The following MARCHF4 variants were observed in gnomAD, a reference collection of about 807,000 sequenced individuals.
MARCHF4 encodes the protein E3 ubiquitin-protein ligase MARCHF4.
Under a neutral mutation model 43.9 loss-of-function variants are expected in MARCHF4, and 14 were observed. The observed-to-expected ratio is 0.32, with a 90% confidence interval of 0.21 to 0.50. MARCHF4 has a LOEUF of 0.50. MARCHF4 is among the 20% of genes least tolerant of loss of function. The probability of loss-of-function intolerance (pLI) is 0.98; values close to 1 mark genes in which losing one functional copy is unlikely to be tolerated. For missense variants in MARCHF4, 468 were observed against 536.7 expected, an observed-to-expected ratio of 0.87 and a Z score of 1.27; for synonymous variants, 226 against 213.3, an observed-to-expected ratio of 1.06 and a Z score of -0.52.
At chr2:216,295,431 T>C (rs899711502) in intron 1 of MARCHF4, among the ~76,000 whole-genome samples, 8 of 152,200 alleles carry the variant, frequency 5.3e-5, no homozygotes, top group Admixed American at 1.3e-4. Context: ...CCTAATTCTG[T>C]TTATTTTTTG....
In MARCHF4 at chr2:216,308,982, G is replaced by A. The variant is rs548776102; in HGVS notation, c.517-25253C>T. ...GAACGGCAGAAGCAAAGTACTTGGA[G>A]AGGGAAGAGAATGGTTATCATGGTC... is the stretch of plus-strand genomic sequence containing the variant. On this transcript the variant is annotated intron_variant, in intron 1 of 3. Coordinates refer to ENST00000273067, the MANE Select transcript of MARCHF4 (RefSeq NM_020814.3). 1.5e-4 allele frequency among the ~76,000 whole-genome samples: 23 copies of A among 152,300 alleles called. 1 individual carries two copies. Among genetic ancestry groups the A allele is most frequent in the Admixed American group, 1.5e-3 (23 of 15,302 alleles).
At chr2:216,291,674 G>A (rs184341149) in intron 1 of MARCHF4, among the ~76,000 whole-genome samples, 158 of 152,144 alleles carry the variant, frequency 1.0e-3, no homozygotes, top group African/African-American at 3.6e-3. Context: ...TTCAAATGTT[G>A]ATCAATTTTC....
At chr2:216,349,349 T>C (rs1396173739) in intron 1 of MARCHF4, among the ~76,000 whole-genome samples, 3 of 152,226 alleles carry the variant, frequency 2.0e-5, no homozygotes, top group Non-Finnish European at 4.4e-5. Context: ...AAGTGCCTAA[T>C]TGGCTTCGAT....
chr2:216,339,124 T>C (rs1017983629), intron 1 of MARCHF4, among the ~76,000 whole-genome samples: 4 of 152,216 alleles, frequency 2.6e-5, no homozygotes, highest in Admixed American at 6.5e-5. Flanking sequence ...GACCAGTCTT[T>C]GACCTCAGGA....
chr2:216,319,343 T>C (rs904478776), intron 1 of MARCHF4, among the ~76,000 whole-genome samples: 5 of 151,964 alleles, frequency 3.3e-5, no homozygotes, highest in African/African-American at 1.2e-4. Flanking sequence ...AACACAAATC[T>C]ACCACCACAG....
intron 1 of MARCHF4, among the ~76,000 whole-genome samples, chr2:216,322,095 ATGTG>A (rs763635655): frequency 3.4e-4 from 51 of 151,434 alleles, no homozygotes; most frequent in African/African-American, 1.2e-3. Context: ...ACTTAAGGGG[ATGTG>A]TGTGTGTGTG....
chr2:216,351,441 C>A (rs1559105754), intron 1 of MARCHF4: 1 of 152,494 alleles, frequency 6.6e-6, no homozygotes, highest in Non-Finnish European at 1.5e-5. Context: ...AATAACTGAC[C>A]ACAACCAGTT....
intron 1 of MARCHF4, among the ~76,000 whole-genome samples, chr2:216,368,582 C>G (rs1692703557): frequency 6.6e-6 from 1 of 152,250 alleles, no homozygotes; most frequent in Admixed American, 6.5e-5. Context: ...AAGCCTGCAT[C>G]TTACAGAGCA....
At chr2:216,289,687 C>T (rs1691276560) in intron 1 of MARCHF4, among the ~76,000 whole-genome samples, 6 of 152,226 alleles carry the variant, frequency 3.9e-5, no homozygotes, top group Admixed American at 3.9e-4. Flanking sequence ...CAAAGACTTC[C>T]TTTTCTGCCC....
chr2:216,289,459 T>C (rs1691273541), intron 1 of MARCHF4, among the ~76,000 whole-genome samples: 1 of 152,184 alleles, frequency 6.6e-6, no homozygotes, highest in Admixed American at 6.5e-5. Context: ...CAAGGGTCTG[T>C]CCCAACTAGA....
At chr2:216,349,450 T>A in intron 1 of MARCHF4, among the ~76,000 whole-genome samples, 1 of 152,200 alleles carries the variant, frequency 6.6e-6, no homozygotes, top group South Asian at 2.1e-4. Context: ...ACAAGCTCCC[T>A]TGAGCTCATC....
chr2:216,298,742 C>T (rs2105948426), intron 1 of MARCHF4, among the ~76,000 whole-genome samples: 1 of 152,242 alleles, frequency 6.6e-6, no homozygotes, highest in Non-Finnish European at 1.5e-5. Flanking sequence ...ACATAAAATT[C>T]CCCCTAAATC....
intron 1 of MARCHF4, among the ~76,000 whole-genome samples, chr2:216,299,272 G>C (rs1482473515): frequency 6.6e-6 from 1 of 152,212 alleles, no homozygotes; most frequent in African/African-American, 2.4e-5. Context: ...CTTGCCAGCT[G>C]GAGGCTGCAG....
chr2:216,333,410 T>C (rs935872243), intron 1 of MARCHF4, among the ~76,000 whole-genome samples: 1 of 152,198 alleles, frequency 6.6e-6, no homozygotes, highest in Admixed American at 6.5e-5. Context: ...TCAGTGCTCG[T>C]AAAAAATGAA....
intron 1 of MARCHF4, among the ~76,000 whole-genome samples, chr2:216,320,968 G>T (rs1457583026): frequency 1.3e-5 from 2 of 150,486 alleles, no homozygotes; most frequent in African/African-American, 2.4e-5. Context: ...CAGAGCCACC[G>T]CACCCAGATG....
At position 216,259,587 on chromosome 2, in the gene MARCHF4, T is replaced by C. The variant is rs1220808348; in HGVS notation, c.958A>G (p.Thr320Ala). 2.5e-6 allele frequency: 4 copies of C among 1,614,198 alleles called. No individual in the cohort carries two copies. In the South Asian group the frequency reaches 4.4e-5, roughly 18 times the overall value. The stretch of plus-strand genomic sequence containing the variant: ...GCCTTTTGATCCTCCAGGTCTTTTG[T>C]CTTGTCATAGTTCAGCACTTTCCAC... ...QQWKVLNYDK[T>A]KDLEDQKAGG... Residue 320 changes from threonine (T) to alanine (A), a missense_variant, in exon 4 of 4, where the codon ACA becomes GCA. This residue lies in a region of MARCHF4 where 120 missense variants were observed against 127.1 expected (regional missense o/e 0.94). Transcript: ENST00000273067.
intron 1 of MARCHF4, among the ~76,000 whole-genome samples, chr2:216,336,066 TAAAAAAAAAAAAA>T (rs34216672): frequency 3.3e-5 from 2 of 60,598 alleles, no homozygotes; most frequent in African/African-American, 1.3e-4. Context: ...AGACTCTGTC[TAAAAAAAAAAAAA>T]AAAAAAAAAA....
chr2:216,365,523 T>C (rs1559108855), intron 1 of MARCHF4, among the ~76,000 whole-genome samples: 1 of 152,174 alleles, frequency 6.6e-6, no homozygotes, highest in Non-Finnish European at 1.5e-5. Context: ...TCCACAAAGA[T>C]AAAATCCACC....
At chr2:216,354,891 T>TTTTCTTTCTTTCTTTCTTCCTTTC (rs1692458483) in intron 1 of MARCHF4, among the ~76,000 whole-genome samples, 2 of 86,790 alleles carry the variant, frequency 2.3e-5, no homozygotes, top group African/African-American at 9.2e-5. Context: ...TTAATAATTG[T>TTTTCTTTCTTTCTTTCTTCCTTTC]TTTCTTTCTT....
Sources: gnomAD v4.1 joint callset for allele counts (sites outside exome capture counted in the v4.1 genomes callset) on GRCh38, gnomAD v4.1.1 for gene constraint, gnomAD v4.1.1 regional missense constraint, MANE v1.5 for transcripts, NCBI Gene and HGNC (gene_info 2026-07-23, HGNC 2026-07-21) for gene names.